The following SPIDR variants were observed in gnomAD, a reference collection of about 807,000 sequenced individuals.
SPIDR encodes the protein DNA repair-scaffolding protein.
Under a neutral mutation model 104.6 loss-of-function variants are expected in SPIDR, and 93 were observed. The ratio of observed to expected loss-of-function variants is 0.89; its 90% CI spans 0.75 to 1.06. The LOEUF (loss-of-function observed/expected upper bound fraction) is 1.06. SPIDR is among the 50% of genes least tolerant of loss of function. The pLI is 0.00. For missense variants in SPIDR, 1,154 were observed against 1,111.2 expected, an observed-to-expected ratio of 1.04 and a Z score of -0.55; for synonymous variants, 431 against 416.9, an observed-to-expected ratio of 1.03 and a Z score of -0.41.
chr8:47,416,498 A>G (rs1273087171), intron 7 of SPIDR, among the ~76,000 whole-genome samples: 1 of 152,136 alleles, frequency 6.6e-6, no homozygotes, highest in African/African-American at 2.4e-5. Context: ...TTTGTGTACC[A>G]GTTTTTGAGT....
At chr8:47,557,267 A>G (rs1023863640) in intron 8 of SPIDR, among the ~76,000 whole-genome samples, 1 of 152,164 alleles carries the variant, frequency 6.6e-6, no homozygotes, top group Non-Finnish European at 1.5e-5. Context: ...AAAGGGGGTG[A>G]CCTTTGGGTA....
At chr8:47,428,623 G>T (rs1208190320) in intron 7 of SPIDR, among the ~76,000 whole-genome samples, 2 of 152,012 alleles carry the variant, frequency 1.3e-5, no homozygotes, top group African/African-American at 4.8e-5. Flanking sequence ...AAAACAATTT[G>T]TTTTTTTAGA....
At chr8:47,510,570 G>A (rs544641035) in intron 8 of SPIDR, among the ~76,000 whole-genome samples, 26 of 151,464 alleles carry the variant, frequency 1.7e-4, no homozygotes, top group Non-Finnish European at 3.1e-4. Context: ...AATAGAATGG[G>A]GAAATATTCA....
intron 5 of SPIDR, among the ~76,000 whole-genome samples, chr8:47,382,569 C>T (rs1359826003): frequency 6.6e-6 from 1 of 152,154 alleles, no homozygotes; most frequent in African/African-American, 2.4e-5. Context: ...TGCACCACCA[C>T]ACCCAGCCAA....
chr8:47,553,212 AC>A (rs1177686973), intron 8 of SPIDR, among the ~76,000 whole-genome samples: 1 of 151,584 alleles, frequency 6.6e-6, no homozygotes, highest in Non-Finnish European at 1.5e-5. Flanking sequence ...TTCCATTTCA[AC>A]CTTGGTGAAT....
At chr8:47,297,389 T>A (rs2041056235) in intron 5 of SPIDR, among the ~76,000 whole-genome samples, 1 of 152,206 alleles carries the variant, frequency 6.6e-6, no homozygotes, top group African/African-American at 2.4e-5. Context: ...ATTCCTTCTA[T>A]ACATAATGTG....
chr8:47,412,865 A>G (rs782223037), intron 7 of SPIDR, among the ~76,000 whole-genome samples: 10 of 152,156 alleles, frequency 6.6e-5, no homozygotes, highest in Non-Finnish European at 1.2e-4. Context: ...TGTGTCACTC[A>G]TTGCTTTCAA....
At chr8:47,507,253 G>T (rs2081621051) in intron 8 of SPIDR, among the ~76,000 whole-genome samples, 1 of 152,204 alleles carries the variant, frequency 6.6e-6, no homozygotes. Context: ...CTGTCTTTCA[G>T]TTGGGTCAGA....
chr8:47,626,759 G>C (rs1177712520), intron 10 of SPIDR, among the ~76,000 whole-genome samples: 1 of 152,166 alleles, frequency 6.6e-6, no homozygotes, highest in Non-Finnish European at 1.5e-5. Flanking sequence ...GGAGGATGTG[G>C]AGAAATAGGA....
chr8:47,506,632 T>C (rs549086182), intron 8 of SPIDR, among the ~76,000 whole-genome samples: 44 of 152,254 alleles, frequency 2.9e-4, no homozygotes, highest in African/African-American at 9.4e-4. Context: ...GCATAATTAT[T>C]AGACTTCTCA....
chr8:47,463,901 A>G (rs1193328386), intron 8 of SPIDR, among the ~76,000 whole-genome samples: 2 of 152,196 alleles, frequency 1.3e-5, no homozygotes, highest in African/African-American at 4.8e-5. Flanking sequence ...CATAGCTAAC[A>G]TACCAAATGA....
chr8:47,613,955 C>T (rs1208095559), intron 10 of SPIDR, among the ~76,000 whole-genome samples: 1 of 152,136 alleles, frequency 6.6e-6, no homozygotes, highest in Non-Finnish European at 1.5e-5. Context: ...CTGCACCTAT[C>T]AACCCATCAC....
chr8:47,416,694 A>G (rs1335122619), intron 7 of SPIDR, among the ~76,000 whole-genome samples: 3 of 152,042 alleles, frequency 2.0e-5, no homozygotes, highest in Non-Finnish European at 4.4e-5. Flanking sequence ...ATATGTATAT[A>G]TGTGCCATGT....
intron 8 of SPIDR, among the ~76,000 whole-genome samples, chr8:47,459,498 A>T (rs879995830): frequency 7.9e-5 from 12 of 151,882 alleles, no homozygotes; most frequent in Non-Finnish European, 1.8e-4. Flanking sequence ...TTTCTTTTCT[A>T]ATTGAGCTTA....
At chr8:47,572,649 A>C (rs1028288833) in intron 8 of SPIDR, among the ~76,000 whole-genome samples, 4 of 150,706 alleles carry the variant, frequency 2.7e-5, no homozygotes, top group Non-Finnish European at 5.9e-5. Context: ...GCGACAGAGC[A>C]AGACTCCATC....
chr8:47,550,124 T>A (rs951817893), intron 8 of SPIDR, among the ~76,000 whole-genome samples: 3 of 152,200 alleles, frequency 2.0e-5, no homozygotes, highest in Non-Finnish European at 4.4e-5. Context: ...CATTGGTCTG[T>A]ATCTCTGTTT....
chr8:47,633,581 C>T (rs1360765849), intron 10 of SPIDR, among the ~76,000 whole-genome samples: 7 of 143,186 alleles, frequency 4.9e-5, no homozygotes, highest in South Asian at 2.3e-4. Context: ...AAACAAAAAC[C>T]AAGCATGGTG....
chr8:47,283,863 A>C (rs1262324080), intron 2 of SPIDR, among the ~76,000 whole-genome samples, 165 bp from the exon 3 acceptor site: 2 of 152,224 alleles, frequency 1.3e-5, no homozygotes, highest in African/African-American at 4.8e-5. Flanking sequence ...GAATTTATAA[A>C]TATATAAGGA....
intron 8 of SPIDR, among the ~76,000 whole-genome samples, chr8:47,509,264 A>G (rs1406386206): frequency 6.6e-6 from 1 of 152,192 alleles, no homozygotes; most frequent in East Asian, 1.9e-4. Context: ...CTGTTCTTGT[A>G]GAAATCCGGA....
Sources: allele counts gnomAD v4.1 joint callset (sites outside exome capture counted in the v4.1 genomes callset), GRCh38; gene constraint gnomAD v4.1.1; transcripts MANE v1.5; gene names NCBI Gene and HGNC (gene_info 2026-07-23, HGNC 2026-07-21).